The following FUT8 variants were observed in gnomAD, a reference collection of about 807,000 sequenced individuals.
The protein encoded by FUT8 is fucosyltransferase 8.
In FUT8, 29 loss-of-function variants were observed where a neutral mutation model predicts 71.3. The observed-to-expected ratio is 0.41, with a 90% CI of 0.30 to 0.55. The LOEUF (loss-of-function observed/expected upper bound fraction) is 0.55. FUT8 is among the 20% of genes least tolerant of loss of function. FUT8 has a pLI of 0.34. For synonymous variants in FUT8, 254 were observed against 239.3 expected, an observed-to-expected ratio of 1.06 and a Z score of -0.57; for missense variants, 544 against 702.1, an observed-to-expected ratio of 0.77 and a Z score of 2.55.
Position 65,467,909 on chromosome 14 carries a change from T to G in FUT8, c.-228+12191T>G. On this transcript the variant is annotated intron_variant, in intron 2 of 10. Transcript: ENST00000673929. The surrounding 1 kb of genome is among the most constrained non-coding windows in gnomAD (Gnocchi z 4.1). ...TGGATGGAGCAGGCTGGTGCTTCAG[T>G]AGAACCCGGGTACCTTTCTCTTTGG... is the stretch of plus-strand genomic sequence containing the variant. 2.7e-6 allele frequency: 2 copies of G among 754,244 alleles called. No homozygotes were observed. Among genetic ancestry groups the G allele is most frequent in the Non-Finnish European group, 5.0e-6 (2 of 403,548 alleles). The allele number at this position is 754,244 out of a possible 1,614,324, so 46.7% of individuals were successfully genotyped here. A position where few individuals can be genotyped will look rare whatever the true frequency, so the allele number is the denominator to read the frequency against.
At chr14:65,677,156 G>GCGCGCGCGCACGCGCGCGCA (rs1343783204) in intron 7 of FUT8, among the ~76,000 whole-genome samples, 27 of 115,706 alleles carry the variant, frequency 2.3e-4, no homozygotes, top group African/African-American at 1.2e-3. Context: ...GTGTGTGCGC[G>GCGCGCGCGCACGCGCGCGCA]CGCGCATGCG....
chr14:65,660,637 T>C lies in FUT8; in HGVS notation c.598-8606T>C, dbSNP rs1484016735. Reference sequence around the variant, plus strand: ...TGTTGTCCTTACTACTTGGTACAGATTAGATTGTTCTTTGCTAGAGGGGTG... The same window carrying C: ...TGTTGTCCTTACTACTTGGTACAGACTAGATTGTTCTTTGCTAGAGGGGTG... On this transcript the variant is annotated intron_variant, in intron 6 of 10. Transcript: ENST00000673929. This position sits in a 1 kb window ranked among gnomAD's most constrained non-coding sequence, Gnocchi z 4.1. 2.6e-5 allele frequency among the ~76,000 whole-genome samples: 4 copies of C among 152,166 alleles called. No individual in the cohort carries two copies. Among genetic ancestry groups the C allele is most frequent in the Admixed American group, 6.5e-5 (1 of 15,274 alleles).
rs186551388 is a variant in FUT8, at chr14:65,593,689, C to T, written c.204-22289C>T. Reference sequence around the variant, plus strand: ...CTCCTGGGTTCAAGAGATTCTCCTGCCTCAGCCTTCCCGAGTAGCTGGGAT... The same window carrying T: ...CTCCTGGGTTCAAGAGATTCTCCTGTCTCAGCCTTCCCGAGTAGCTGGGAT... On this transcript the variant is annotated intron_variant, in intron 3 of 10. Coordinates refer to ENST00000673929, the MANE Select transcript of FUT8 (RefSeq NM_001371533.1). Among the ~76,000 whole-genome samples the T allele has an allele frequency of 1.1e-3, 171 of 152,276 alleles. 2 individuals carry two copies. Among genetic ancestry groups the T allele is most frequent in the Admixed American group, 0.011 (168 of 15,306 alleles).
At chr14:65,439,954 G>GTGTATATGTATATA in intron 1 of FUT8, among the ~76,000 whole-genome samples, 1 of 74,984 alleles carries the variant, frequency 1.3e-5, no homozygotes, top group South Asian at 5.9e-4. Context: ...GTGTGTGTGT[G>GTGTATATGTATATA]TATATATATA....
In FUT8 at chr14:65,558,173, A is replaced by G. The variant is rs537204769; in HGVS notation, c.-227-3164A>G. Among the ~76,000 whole-genome samples the G allele has an allele frequency of 3.5e-3, 530 of 152,122 alleles. 1 individual carries two copies. Among genetic ancestry groups the G allele is most frequent in the African/African-American group, 0.012 (503 of 41,476 alleles). ...TGGTGAAATCCCATCTCTACTAAAA[A>G]TATAAAAAATGAGCCGGGCGCCACA... On this transcript the variant is annotated intron_variant, in intron 2 of 10. Coordinates refer to ENST00000673929, the MANE Select transcript of FUT8 (RefSeq NM_001371533.1).
At chr14:65,378,525 AC>A in the FUT8 span, among the ~76,000 whole-genome samples, 1 of 152,210 alleles carries the variant, frequency 6.6e-6, no homozygotes, top group South Asian at 2.1e-4. Context: ...CCCTAAAAAA[AC>A]ACCTTAAGTA....
intron 6 of FUT8, among the ~76,000 whole-genome samples, chr14:65,656,373 G>GTAA (rs1891683044): frequency 6.6e-6 from 1 of 152,048 alleles, no homozygotes; most frequent in African/African-American, 2.4e-5. Context: ...ATTTAAAAAA[G>GTAA]TAATCTCATT....
chr14:65,706,353 G>A (rs1228381636), intron 7 of FUT8, among the ~76,000 whole-genome samples: 1 of 152,138 alleles, frequency 6.6e-6, no homozygotes, highest in Non-Finnish European at 1.5e-5. Flanking sequence ...AGTATATTTT[G>A]CTTGATGTGC....
At chr14:65,675,261 T>A (rs1892660004) in intron 7 of FUT8, among the ~76,000 whole-genome samples, 1 of 152,202 alleles carries the variant, frequency 6.6e-6, no homozygotes, top group Non-Finnish European at 1.5e-5. Flanking sequence ...GATATTTATT[T>A]TCGTGTTTAT....
chr14:65,538,885 C>A (rs1884506300), intron 2 of FUT8, among the ~76,000 whole-genome samples: 1 of 152,146 alleles, frequency 6.6e-6, no homozygotes. Flanking sequence ...CGCGCCATTG[C>A]ACTCCAGCTT....
chr14:65,503,389 CA>C (rs779591409), intron 2 of FUT8, among the ~76,000 whole-genome samples: 1 of 152,180 alleles, frequency 6.6e-6, no homozygotes, highest in East Asian at 1.9e-4. Context: ...CTGCAGATTT[CA>C]AAAAGTGTGT....
intron 7 of FUT8, among the ~76,000 whole-genome samples, chr14:65,696,679 TCTC>T (rs1471250011): frequency 1.3e-5 from 2 of 152,060 alleles, no homozygotes; most frequent in Non-Finnish European, 2.9e-5. Flanking sequence ...TTTTCTTTCT[TCTC>T]CTCTGGTACT....
At chr14:65,365,100 TG>T in the FUT8 span, among the ~76,000 whole-genome samples, 1 of 152,210 alleles carries the variant, frequency 6.6e-6, no homozygotes, top group South Asian at 2.1e-4. Flanking sequence ...TCCCCTTATT[TG>T]GCCACATTCA....
Position 65,607,554 on chromosome 14 carries a change from TA to T in FUT8, c.204-8423del, listed in dbSNP as rs1269855663. 2.6e-5 allele frequency among the ~76,000 whole-genome samples: 4 copies of T among 151,934 alleles called. No individual in the cohort carries two copies. Among genetic ancestry groups the T allele is most frequent in the Non-Finnish European group, 5.9e-5 (4 of 67,946 alleles). ...TTAGGATAAAGTTGAGATAGTCATG[TA>T]TTTTTAAATATATTGCTGTATTTAC... On this transcript the variant is annotated intron_variant, in intron 3 of 10. Coordinates refer to ENST00000673929, the MANE Select transcript of FUT8 (RefSeq NM_001371533.1). This position sits in a 1 kb window ranked among gnomAD's most constrained non-coding sequence, Gnocchi z 4.1.
chr14:65,393,979 G>T, the FUT8 span, among the ~76,000 whole-genome samples: 5 of 152,142 alleles, frequency 3.3e-5, no homozygotes, highest in East Asian at 7.7e-4. Context: ...TATTTTAGAC[G>T]GAGTTTTGCT....
intron 9 of FUT8, among the ~76,000 whole-genome samples, chr14:65,729,043 T>G (rs1358312634): frequency 9.4e-5 from 14 of 148,658 alleles, no homozygotes; most frequent in Admixed American, 5.4e-4. Context: ...TGTTTTTTTT[T>G]TTTTTTTTTT....
At chr14:65,542,119 A>G (rs1160241931) in intron 2 of FUT8, among the ~76,000 whole-genome samples, 1 of 152,236 alleles carries the variant, frequency 6.6e-6, no homozygotes, top group Non-Finnish European at 1.5e-5. Flanking sequence ...TCTGTGAAGC[A>G]ATTAGTAAAG....
upstream of FUT8, among the ~76,000 whole-genome samples, chr14:65,409,233 C>T (rs992424674): frequency 9.2e-5 from 14 of 152,292 alleles, no homozygotes; most frequent in South Asian, 1.0e-3. This position sits in a 1 kb window ranked among gnomAD's most constrained non-coding sequence, Gnocchi z 5.4. Context: ...GCTAGAGCAA[C>T]AATTATAAAA....
At chr14:65,658,920 T>C (rs566720613) in intron 6 of FUT8, among the ~76,000 whole-genome samples, 8 of 152,218 alleles carry the variant, frequency 5.3e-5, no homozygotes, top group East Asian at 1.9e-4. Context: ...TTAATAGTAT[T>C]GTATAATGTC....
Sources: allele counts gnomAD v4.1 joint callset (sites outside exome capture counted in the v4.1 genomes callset), GRCh38; gene constraint gnomAD v4.1.1; non-coding constraint Gnocchi (gnomAD v3.1); transcripts MANE v1.5; gene names NCBI Gene and HGNC (gene_info 2026-07-23, HGNC 2026-07-21).